Variants in GALNT13 observed in about 807,000 individuals in gnomAD.
The protein encoded by GALNT13 is polypeptide N-acetylgalactosaminyltransferase 13, also known as UDP-GalNAc:polypeptide N-acetylgalactosaminyltransferase 13.
Under a neutral mutation model 64.2 loss-of-function variants are expected in GALNT13, and 28 were observed. The observed-to-expected ratio is 0.44, with a 90% confidence interval of 0.32 to 0.60. The LOEUF is 0.60. Ranked by LOEUF, GALNT13 falls within the 20% of genes least tolerant of loss-of-function variation. The pLI is 0.05. For missense variants in GALNT13, 577 were observed against 669.8 expected (o/e 0.86, Z 1.53); for synonymous variants, 214 against 224.6 (o/e 0.95, Z 0.42).
intron 9 of GALNT13, among the ~76,000 whole-genome samples, chr2:154,331,477 T>C (rs1260338598): frequency 6.6e-6 from 1 of 151,928 alleles, no homozygotes; most frequent in Non-Finnish European, 1.5e-5. Flanking sequence ...CAATTTTTTT[T>C]TTTTAAAATG....
At chr2:153,267,808 C>G in the GALNT13 span, among the ~76,000 whole-genome samples, 12 of 152,258 alleles carry the variant, frequency 7.9e-5, no homozygotes, top group Middle Eastern at 3.4e-3. Context: ...ATGGGTTTTT[C>G]TTTTGTATTG....
chr2:154,247,321 T>C (rs552140684), intron 7 of GALNT13, among the ~76,000 whole-genome samples: 1 of 152,184 alleles, frequency 6.6e-6, no homozygotes. Context: ...TGGCTCATGT[T>C]ACCATCATTT....
chr2:153,571,710 G>A, the GALNT13 span, among the ~76,000 whole-genome samples: 1 of 151,882 alleles, frequency 6.6e-6, no homozygotes, highest in African/African-American at 2.4e-5. Flanking sequence ...CACATCATAT[G>A]GTTTTTATCC....
chr2:153,808,817 A>G, the GALNT13 span, among the ~76,000 whole-genome samples: 1 of 152,142 alleles, frequency 6.6e-6, no homozygotes, highest in Non-Finnish European at 1.5e-5. Context: ...CACTTTAATC[A>G]CTGTCTTGCA....
chr2:153,480,831 T>C, the GALNT13 span, among the ~76,000 whole-genome samples: 2 of 152,158 alleles, frequency 1.3e-5, no homozygotes, highest in Admixed American at 1.3e-4. Context: ...TGTAAGCAAA[T>C]GGAGAGCCCC....
rs1482915226 is a variant in GALNT13, at chr2:154,057,310, C to T, written c.143-83027C>T. On this transcript the variant is annotated intron_variant, in intron 3 of 12. Coordinates refer to ENST00000392825, the MANE Select transcript of GALNT13 (RefSeq NM_052917.4). ...CCCCAAAGTGGTGGGCTTATAGGTG[C>T]GAGCCACCACGCCCGGCCCTAAACC... Among the ~76,000 whole-genome samples, 11 of 152,194 alleles carry T rather than the reference C, an allele frequency of 7.2e-5. No homozygotes were observed. The East Asian group carries it at 1.2e-3, about 16-fold the overall frequency.
At chr2:153,982,925 G>C (rs1694563235) in intron 3 of GALNT13, among the ~76,000 whole-genome samples, 1 of 151,890 alleles carries the variant, frequency 6.6e-6, no homozygotes, top group Non-Finnish European at 1.5e-5. Flanking sequence ...GTATATTTAA[G>C]GTGCTGAGAA....
intron 3 of GALNT13, among the ~76,000 whole-genome samples, chr2:154,061,274 C>G (rs1296541946): frequency 1.3e-5 from 2 of 152,084 alleles, no homozygotes; most frequent in Non-Finnish European, 2.9e-5. Context: ...GAGTCCTTGA[C>G]TGCAGCTCAG....
the GALNT13 span, among the ~76,000 whole-genome samples, chr2:153,662,097 C>T: frequency 6.6e-6 from 1 of 152,154 alleles, no homozygotes; most frequent in African/African-American, 2.4e-5. Flanking sequence ...CGACATCTCT[C>T]AGCTGAATTC....
intron 4 of GALNT13, among the ~76,000 whole-genome samples, chr2:154,206,249 C>T (rs1480869377): frequency 1.3e-5 from 2 of 151,852 alleles, no homozygotes; most frequent in Non-Finnish European, 2.9e-5. Flanking sequence ...GATCCGCCCG[C>T]CTCGGCCTCC....
In GALNT13 at chr2:154,145,119, T is replaced by TATATATACAC. The variant is rs1444821982; in HGVS notation, c.311+4615_311+4616insTATATACACA. Among the ~76,000 whole-genome samples, 64 of 137,238 alleles carry TATATATACAC rather than the reference T, an allele frequency of 4.7e-4. No individual in the cohort carries two copies. The East Asian group carries it at 6.4e-3, about 14-fold the overall frequency. 90.0% of individuals were successfully genotyped at this position (137,238 alleles called of 152,430 possible). On this transcript the variant is annotated intron_variant, in intron 4 of 12. Coordinates refer to ENST00000392825, the MANE Select transcript of GALNT13 (RefSeq NM_052917.4). Reference sequence around the variant, plus strand: ...ATCTATCTATATATATATATATATATACACACACTAAAAATTTACATATAA... The same window carrying TATATATACAC: ...ATCTATCTATATATATATATATATATATATATACACACACACACTAAAAATTTACATATAA...
intron 9 of GALNT13, among the ~76,000 whole-genome samples, chr2:154,313,818 T>C (rs1694187411): frequency 6.6e-6 from 1 of 152,168 alleles, no homozygotes; most frequent in African/African-American, 2.4e-5. Flanking sequence ...ATCATTTATA[T>C]ATCTTGCTTC....
chr2:153,251,589 T>G, the GALNT13 span, among the ~76,000 whole-genome samples: 1 of 151,742 alleles, frequency 6.6e-6, no homozygotes, highest in African/African-American at 2.4e-5. Context: ...CATCTCGCAT[T>G]AGGTATATCT....
the GALNT13 span, among the ~76,000 whole-genome samples, chr2:153,545,577 T>C: frequency 6.6e-6 from 1 of 152,188 alleles, no homozygotes; most frequent in Non-Finnish European, 1.5e-5. Context: ...AGGTCTAGGA[T>C]GTATGCAGTA....
chr2:153,301,417 T>G, the GALNT13 span, among the ~76,000 whole-genome samples: 120 of 152,060 alleles, frequency 7.9e-4, no homozygotes, highest in Admixed American at 2.4e-3. Flanking sequence ...TTTATTTATG[T>G]AATTGACAAA....
At chr2:153,406,513 T>C in the GALNT13 span, among the ~76,000 whole-genome samples, 1 of 152,096 alleles carries the variant, frequency 6.6e-6, no homozygotes, top group East Asian at 1.9e-4. Flanking sequence ...GTTCAAGCGA[T>C]TCTCGTGCCT....
At chr2:154,281,386 G>T (rs1456273093) in intron 8 of GALNT13, among the ~76,000 whole-genome samples, 1 of 152,028 alleles carries the variant, frequency 6.6e-6, no homozygotes, top group East Asian at 1.9e-4. Flanking sequence ...AAGGACAATT[G>T]GGATTTTCTG....
the GALNT13 span, among the ~76,000 whole-genome samples, chr2:153,358,528 A>G: frequency 6.6e-6 from 1 of 152,158 alleles, no homozygotes; most frequent in Non-Finnish European, 1.5e-5. Flanking sequence ...TGAGACTTTT[A>G]TATTTTCCCC....
At chr2:154,406,944 C>G (rs568511806) in intron 10 of GALNT13, among the ~76,000 whole-genome samples, 1 of 152,182 alleles carries the variant, frequency 6.6e-6, no homozygotes, top group East Asian at 1.9e-4. Flanking sequence ...GAAAATAGAT[C>G]AATAATAGGT....
Sources: allele counts gnomAD v4.1 joint callset (sites outside exome capture counted in the v4.1 genomes callset), GRCh38; gene constraint gnomAD v4.1.1; transcripts MANE v1.5; gene names NCBI Gene and HGNC (gene_info 2026-07-23, HGNC 2026-07-21).